The following IL31RA variants were observed in gnomAD, a reference collection of about 807,000 sequenced individuals.
IL31RA encodes interleukin-31 receptor subunit alpha.
In IL31RA, 66 loss-of-function variants were observed where a neutral mutation model predicts 83.7. That is an observed-to-expected ratio of 0.79 (90% CI 0.65 to 0.97). IL31RA has a LOEUF of 0.97. IL31RA is among the 50% of genes least tolerant of loss of function. The pLI is 0.00. For missense variants in IL31RA, 798 were observed against 919.4 expected (o/e 0.87, Z 1.71); for synonymous variants, 325 against 329.0 (o/e 0.99, Z 0.13).
intron 2 of IL31RA, among the ~76,000 whole-genome samples, chr5:55,864,599 TAAAC>T (rs1013275360): frequency 6.9e-6 from 1 of 143,932 alleles, no homozygotes; most frequent in African/African-American, 2.6e-5. Context: ...ACACACACCA[TAAAC>T]ATACCATACA....
intron 1 of IL31RA, among the ~76,000 whole-genome samples, chr5:55,858,971 G>A (rs2112298637): frequency 6.6e-6 from 1 of 152,292 alleles, no homozygotes; most frequent in Non-Finnish European, 1.5e-5. Context: ...TGGGGCATGG[G>A]GCACAAAGGA....
intron 11 of IL31RA, chr5:55,908,887 A>G (rs1749329838): frequency 7.7e-7 from 1 of 1,306,592 alleles, no homozygotes. Flanking sequence ...TTCTTATGGT[A>G]AAATACACGT....
chr5:55,869,538 A>C (rs1019194588), intron 3 of IL31RA, among the ~76,000 whole-genome samples: 1 of 152,050 alleles, frequency 6.6e-6, no homozygotes, highest in African/African-American at 2.4e-5. Context: ...CAGTGGTGTG[A>C]TCTCAGCTCA....
chr5:55,893,299 G>C (rs1748131200), intron 6 of IL31RA, among the ~76,000 whole-genome samples: 1 of 152,182 alleles, frequency 6.6e-6, no homozygotes, highest in South Asian at 2.1e-4. Flanking sequence ...TCTGATTACA[G>C]GGCTGTGGGC....
At chr5:55,852,177 A>G (rs779199553) in intron 1 of IL31RA, 7 of 152,124 alleles carry the variant, frequency 4.6e-5, no homozygotes, top group African/African-American at 7.3e-5. Flanking sequence ...ATTTTATTTT[A>G]TTTATTTTTT....
At chr5:55,839,965 A>G in the IL31RA span, 6 of 634,824 alleles carry the variant, frequency 9.5e-6, no homozygotes, top group Admixed American at 1.3e-4. Flanking sequence ...GCCAAGCAAG[A>G]CCAGGGCAAG....
intron 1 of IL31RA, among the ~76,000 whole-genome samples, chr5:55,855,895 GTTGT>G (rs374244121): frequency 7.9e-5 from 12 of 152,168 alleles, no homozygotes; most frequent in African/African-American, 2.9e-4. Context: ...TGGTTTTGTT[GTTGT>G]TTGTTTGTTT....
Position 55,907,461 on chromosome 5 carries a change from G to A in IL31RA, c.1354+1G>A, listed in dbSNP as rs200673557. The A allele has an allele frequency of 1.0e-5, 16 of 1,594,664 alleles. No individual in the cohort carries two copies. The highest frequency in any genetic ancestry group is 4.0e-5 in the African/African-American group (3 of 74,532). On this transcript the variant is annotated splice_donor_variant, in intron 10 of 14. Transcript: ENST00000652347. LOFTEE classifies it high-confidence loss of function. ...ATCCAGGCTTATGCCAAAGAAGGCG[G>A]TATGAATGGACAAGACCCTGTGGGG...
intron 4 of IL31RA, among the ~76,000 whole-genome samples, chr5:55,877,666 C>T (rs1465847742): frequency 1.3e-5 from 2 of 152,132 alleles, no homozygotes; most frequent in Non-Finnish European, 2.9e-5. Context: ...AATGTATTAT[C>T]CCACTGCCTT....
At position 55,922,532 on chromosome 5, in the gene IL31RA, A is replaced by G. The variant is rs1288763937; in HGVS notation, c.*5412A>G. 2 of 1,033,202 alleles carry G rather than the reference A, an allele frequency of 1.9e-6. No individual in the cohort carries two copies. The highest frequency in any genetic ancestry group is 1.4e-6 in the Non-Finnish European group (1 of 692,150). The allele number at this position is 1,033,202 out of a possible 1,614,324, so 64.0% of individuals were successfully genotyped here. A position where few individuals can be genotyped will look rare whatever the true frequency, so the allele number is the denominator to read the frequency against. On this transcript the variant is annotated 3_prime_UTR_variant, in exon 15 of 15. Coordinates refer to ENST00000652347, the MANE Select transcript of IL31RA (RefSeq NM_139017.7). ...GGAAGACTGAATCTGTGGCCCCAAG[A>G]GAACCATCTCTGAAGACTGGGTATG...
chr5:55,879,266 GT>G (rs1747040939), intron 4 of IL31RA, among the ~76,000 whole-genome samples: 1 of 151,928 alleles, frequency 6.6e-6, no homozygotes, highest in Non-Finnish European at 1.5e-5. Context: ...GACCACTGAT[GT>G]TTCAGGGAGA....
chr5:55,875,496 T>C lies in IL31RA; in HGVS notation c.454+3045T>C, dbSNP rs189851254. On this transcript the variant is annotated intron_variant, in intron 4 of 14. Transcript: ENST00000652347. The stretch of plus-strand genomic sequence containing the variant: ...GAAGCCATCTGGGCCTGGGCTTTCT[T>C]TGTGGGAAGTTTTTGACTTGGTTTC... Among the ~76,000 whole-genome samples the C allele has an allele frequency of 6.6e-5, 10 of 152,290 alleles. No homozygotes were observed. In the East Asian group the frequency reaches 1.9e-3, roughly 29 times the overall value.
intron 7 of IL31RA, 96 bp from the exon 8 acceptor site, chr5:55,899,820 C>G: frequency 1.2e-6 from 1 of 805,020 alleles, no homozygotes; most frequent in African/African-American, 1.7e-5. Flanking sequence ...TAATAGTTAG[C>G]CTTATTCCCC....
rs1376101492 is a variant in IL31RA, at chr5:55,903,145, C to T, written c.1070-2961C>T. 2.0e-5 allele frequency among the ~76,000 whole-genome samples: 3 copies of T among 152,168 alleles called. No homozygotes were observed. Among genetic ancestry groups the T allele is most frequent in the Non-Finnish European group, 2.9e-5 (2 of 68,028 alleles). Reference sequence around the variant, plus strand: ...AGCACGCCCTGGGTTTTGTGAGACCCGAGACAGCAGGCAGCGGTGGCGTGG... The same window carrying T: ...AGCACGCCCTGGGTTTTGTGAGACCTGAGACAGCAGGCAGCGGTGGCGTGG... On this transcript the variant is annotated intron_variant, in intron 8 of 14. Coordinates refer to ENST00000652347, the MANE Select transcript of IL31RA (RefSeq NM_139017.7). The surrounding 1 kb of genome is among the most constrained non-coding windows in gnomAD (Gnocchi z 4.7).
chr5:55,872,338 CT>C lies in IL31RA; in HGVS notation c.347del (p.Phe116SerfsTer5). The part of the protein sequence containing the change: ...SSTSENRASC[S>X]FFLPRITIPD... ...ACAAGTGAAAATCGTGCTTCGTGCT[CT>C]TTTTTCCTTCCAAGAATAACGATCC... On this transcript the variant is annotated frameshift_variant, in exon 4 of 15. Coordinates refer to ENST00000652347, the MANE Select transcript of IL31RA (RefSeq NM_139017.7). LOFTEE classifies it high-confidence loss of function. The C allele has an allele frequency of 6.2e-7, 1 of 1,612,968 alleles. No homozygotes were observed. The highest frequency in any genetic ancestry group is 8.5e-7 in the Non-Finnish European group (1 of 1,179,116).
the IL31RA span, among the ~76,000 whole-genome samples, chr5:55,844,309 G>A: frequency 6.6e-6 from 1 of 152,136 alleles, no homozygotes; most frequent in Non-Finnish European, 1.5e-5. Context: ...ATTTGTTGCC[G>A]GTAGACCTGC....
chr5:55,870,252 C>T (rs930254414), intron 3 of IL31RA, among the ~76,000 whole-genome samples: 1 of 152,158 alleles, frequency 6.6e-6, no homozygotes, highest in African/African-American at 2.4e-5. Flanking sequence ...TTCACACGCC[C>T]CAAAGTATTT....
chr5:55,882,064 A>G (rs1747274982), intron 4 of IL31RA, among the ~76,000 whole-genome samples: 1 of 151,496 alleles, frequency 6.6e-6, no homozygotes. Context: ...AGGTGTTTTT[A>G]TATATTGGGA....
At position 55,917,930 on chromosome 5, in the gene IL31RA, T is replaced by C. The variant is rs770521582; in HGVS notation, c.*810T>C. ...TGCAGTGGTTGTCATATAGGGACGC[T>C]GGCCCCTCACACTGGTTCAGAGCCC... is the stretch of plus-strand genomic sequence containing the variant. On this transcript the variant is annotated 3_prime_UTR_variant, in exon 15 of 15. Coordinates refer to ENST00000652347, the MANE Select transcript of IL31RA (RefSeq NM_139017.7). Among the ~76,000 whole-genome samples the C allele has an allele frequency of 6.6e-5, 10 of 152,204 alleles. No individual in the cohort carries two copies. Among genetic ancestry groups the C allele is most frequent in the African/African-American group, 9.6e-5 (4 of 41,456 alleles).
Sources: allele counts gnomAD v4.1 joint callset (sites outside exome capture counted in the v4.1 genomes callset), GRCh38; gene constraint gnomAD v4.1.1; non-coding constraint Gnocchi (gnomAD v3.1); transcripts MANE v1.5; gene names NCBI Gene and HGNC (gene_info 2026-07-23, HGNC 2026-07-21).